Variants in SOAT1 observed in about 807,000 individuals in gnomAD.
SOAT1 encodes the protein acyl-coenzyme A:cholesterol acyltransferase 1.
In SOAT1, 55 loss-of-function variants were observed where a neutral mutation model predicts 69.5. The ratio of observed to expected loss-of-function variants is 0.79; its 90% confidence interval spans 0.64 to 0.99. The LOEUF (loss-of-function observed/expected upper bound fraction) is 0.99, where lower values mean the gene tolerates loss of function less well. SOAT1 is among the 50% of genes least tolerant of loss of function. SOAT1 has a pLI of 0.00. For synonymous variants in SOAT1, 231 were observed against 224.7 expected, an observed-to-expected ratio of 1.03 and a Z score of -0.25; for missense variants, 580 against 669.3, an observed-to-expected ratio of 0.87 and a Z score of 1.47.
chr1:179,319,719 C>T (rs990759088), intron 2 of SOAT1, among the ~76,000 whole-genome samples: 4 of 152,084 alleles, frequency 2.6e-5, no homozygotes, highest in East Asian at 1.9e-4. Context: ...TAGGTTCAAG[C>T]GATTCTCTCA....
intron 15 of SOAT1, among the ~76,000 whole-genome samples, chr1:179,353,217 A>ATATATAAATATATATATATT (rs1666803751): frequency 8.4e-6 from 1 of 119,706 alleles, no homozygotes; most frequent in African/African-American, 3.1e-5. Flanking sequence ...AAATATATAT[A>ATATATAAATATATATATATT]TATATATCTA....
intron 10 of SOAT1, 28 bp downstream of exon 10, chr1:179,343,663 GT>G: frequency 6.6e-7 from 1 of 1,504,158 alleles, no homozygotes; most frequent in South Asian, 1.1e-5. Flanking sequence ...CCTAAGGTAT[GT>G]TGATTAGGGG....
intron 2 of SOAT1, among the ~76,000 whole-genome samples, chr1:179,307,701 C>G (rs533815958): frequency 1.3e-5 from 2 of 152,176 alleles, no homozygotes; most frequent in African/African-American, 4.8e-5. Context: ...TACAGCTTGT[C>G]AGTGCTTAGG....
At chr1:179,294,391 T>C (rs963009060) in intron 1 of SOAT1, 1 of 152,304 alleles carries the variant, frequency 6.6e-6, no homozygotes, top group Non-Finnish European at 1.5e-5. Flanking sequence ...TTGTAAAATA[T>C]TAGGATGTAG....
chr1:179,309,637 A>G (rs944652927), intron 2 of SOAT1, among the ~76,000 whole-genome samples: 2 of 8,998 alleles, frequency 2.2e-4, no homozygotes, highest in African/African-American at 9.1e-4. Context: ...TTTATTGACC[A>G]TGTATTTTTT....
At chr1:179,342,453 T>A (rs939413776) in intron 8 of SOAT1, among the ~76,000 whole-genome samples, 1 of 152,124 alleles carries the variant, frequency 6.6e-6, no homozygotes, top group Non-Finnish European at 1.5e-5. Context: ...TTGTGTTTTA[T>A]TTCAAATATA....
rs1371470499 is a variant in SOAT1, at chr1:179,356,876, G to A, written c.*3235G>A. On this transcript the variant is annotated 3_prime_UTR_variant, in exon 16 of 16. Transcript: ENST00000367619. Reference sequence around the variant, plus strand: ...TTTGTTTTTTTTTTTTTAGAGATGGGGGGGGTCTCCCTATGTTGCCCAGGC... The same window carrying A: ...TTTGTTTTTTTTTTTTTAGAGATGGAGGGGGTCTCCCTATGTTGCCCAGGC... 1.3e-5 allele frequency: 2 copies of A among 148,428 alleles called. No individual in the cohort carries two copies. Among genetic ancestry groups the A allele is most frequent in the Non-Finnish European group, 3.0e-5 (2 of 66,996 alleles). 9.2% of individuals were successfully genotyped at this position (148,428 alleles called of 1,614,324 possible). A position where few individuals can be genotyped will look rare whatever the true frequency, so the allele number is the denominator to read the frequency against.
chr1:179,306,842 A>G (rs1247668993), intron 2 of SOAT1, among the ~76,000 whole-genome samples: 1 of 151,288 alleles, frequency 6.6e-6, no homozygotes, highest in African/African-American at 2.4e-5. Context: ...AAAAAAAAAA[A>G]AAAAAAAAGC....
At chr1:179,338,513 A>G (rs535272418) in intron 5 of SOAT1, among the ~76,000 whole-genome samples, 2 of 152,314 alleles carry the variant, frequency 1.3e-5, no homozygotes, top group Admixed American at 6.5e-5. Flanking sequence ...TACTTCCCCT[A>G]GATAAGAAGG....
At chr1:179,318,627 C>T (rs1289508008) in intron 2 of SOAT1, among the ~76,000 whole-genome samples, 1 of 152,108 alleles carries the variant, frequency 6.6e-6, no homozygotes, top group African/African-American at 2.4e-5. Context: ...GCCATAACCC[C>T]GCGCCTCACT....
intron 2 of SOAT1, among the ~76,000 whole-genome samples, chr1:179,312,717 C>G (rs548680492): frequency 1.6e-4 from 25 of 152,266 alleles, no homozygotes; most frequent in African/African-American, 4.8e-4. Context: ...AGGTTCTCTC[C>G]CTGGTAGGTA....
intron 13 of SOAT1, among the ~76,000 whole-genome samples, chr1:179,349,622 C>T (rs565838176): frequency 1.2e-4 from 18 of 152,226 alleles, no homozygotes; most frequent in Non-Finnish European, 2.1e-4. Context: ...CCACCGTGCC[C>T]GGGTGAGAAA....
In SOAT1 at chr1:179,350,381, G is replaced by T; in HGVS notation, c.1400G>T (p.Cys467Phe). Residue 467 changes from cysteine to phenylalanine, a missense_variant, in exon 14 of 16, where the codon TGC becomes TTC. By Grantham distance (205) the Cys-to-Phe change is radical. Coordinates refer to ENST00000367619, the MANE Select transcript of SOAT1 (RefSeq NM_003101.6). ...AVVHEYALAV[C>F]LSFFYPVLFV... ...GTACACGAATATGCCTTGGCTGTTT[G>T]CTTGAGCTTTTTCTATCCCGTGCTC... 6.8e-6 allele frequency: 11 copies of T among 1,613,908 alleles called. No homozygotes were observed. The highest frequency in any genetic ancestry group is 8.5e-6 in the Non-Finnish European group (10 of 1,179,938).
At chr1:179,331,946 T>C (rs191403530) in intron 3 of SOAT1, among the ~76,000 whole-genome samples, 33 of 152,274 alleles carry the variant, frequency 2.2e-4, no homozygotes, top group Middle Eastern at 3.4e-3. Flanking sequence ...ATATATGACC[T>C]TGTGGAGTTA....
intron 9 of SOAT1, 90 bp downstream of exon 9, chr1:179,343,033 G>A: frequency 1.1e-6 from 1 of 949,338 alleles, no homozygotes; most frequent in Non-Finnish European, 1.7e-6. Context: ...GTTCATGTAG[G>A]GACATAGAAA....
chr1:179,314,262 T>A (rs1665317645), intron 2 of SOAT1, among the ~76,000 whole-genome samples: 1 of 152,210 alleles, frequency 6.6e-6, no homozygotes, highest in Admixed American at 6.5e-5. Context: ...TTGCCCTGCA[T>A]GTATTGGGTC....
intron 1 of SOAT1, among the ~76,000 whole-genome samples, chr1:179,299,635 A>C (rs1281657413): frequency 6.6e-6 from 1 of 152,204 alleles, no homozygotes; most frequent in Non-Finnish European, 1.5e-5. Flanking sequence ...CACTAAAAAA[A>C]ATCAGCTGTT....
chr1:179,328,909 A>T (rs1361192070), intron 3 of SOAT1, among the ~76,000 whole-genome samples: 4 of 151,698 alleles, frequency 2.6e-5, no homozygotes, highest in Non-Finnish European at 4.4e-5. Context: ...GCTGGGCATG[A>T]TTGTGCGTGC....
chr1:179,350,701 A>G (rs1666695219), intron 14 of SOAT1, among the ~76,000 whole-genome samples: 1 of 152,232 alleles, frequency 6.6e-6, no homozygotes, highest in Admixed American at 6.5e-5. Flanking sequence ...AAAGTTATCT[A>G]TATAAACAGC....
Sources: gnomAD v4.1 joint callset for allele counts (sites outside exome capture counted in the v4.1 genomes callset) on GRCh38, gnomAD v4.1.1 for gene constraint, MANE v1.5 for transcripts, NCBI Gene and HGNC (gene_info 2026-07-23, HGNC 2026-07-21) for gene names.